Variants in KIAA1217 observed in about 807,000 individuals in gnomAD.
KIAA1217 encodes KIAA1217, also known as sickle tail protein homolog.
KIAA1217 carries 88 observed loss-of-function variants against 163.9 expected under a neutral mutation model. The ratio of observed to expected loss-of-function variants is 0.54; its 90% CI spans 0.45 to 0.64. KIAA1217 has a LOEUF of 0.64. Among genes scored for constraint, KIAA1217 ranks in the 30% least tolerant of loss-of-function variants. The pLI, the probability that KIAA1217 is intolerant of heterozygous loss-of-function variation, is 0.00. For missense variants in KIAA1217, 2,372 were observed against 2,475.0 expected (o/e 0.96, Z 0.88); for synonymous variants, 903 against 923.1 (o/e 0.98, Z 0.39).
chr10:24,027,140 T>C (rs535231150), intron 2 of KIAA1217, among the ~76,000 whole-genome samples: 1 of 152,226 alleles, frequency 6.6e-6, no homozygotes, highest in South Asian at 2.1e-4. Context: ...TTCATAGTTC[T>C]GTGCAGCACC....
intron 6 of KIAA1217, among the ~76,000 whole-genome samples, chr10:24,490,985 T>C (rs1485790339): frequency 2.0e-5 from 3 of 152,178 alleles, no homozygotes; most frequent in Non-Finnish European, 2.9e-5. Context: ...CAGACTCTTA[T>C]CCCAGACCGT....
chr10:24,100,195 T>C (rs1039391683), intron 2 of KIAA1217, among the ~76,000 whole-genome samples: 7 of 152,018 alleles, frequency 4.6e-5, no homozygotes, highest in Non-Finnish European at 1.5e-5. Context: ...GAGGCTGCTA[T>C]TATGTTAGTT....
chr10:24,370,188 C>G (rs1437373932), intron 2 of KIAA1217, among the ~76,000 whole-genome samples: 1 of 149,004 alleles, frequency 6.7e-6, no homozygotes, highest in African/African-American at 2.5e-5. Flanking sequence ...TGGTGTGAAC[C>G]CGGGAGGCGG....
chr10:23,751,834 C>T (rs1206628835), intron 1 of KIAA1217, among the ~76,000 whole-genome samples: 1 of 152,090 alleles, frequency 6.6e-6, no homozygotes, highest in South Asian at 2.1e-4. Context: ...AGCAGTGTAA[C>T]CTGGGAGAGA....
At chr10:23,810,955 A>G (rs539253373) in intron 1 of KIAA1217, among the ~76,000 whole-genome samples, 5 of 116,634 alleles carry the variant, frequency 4.3e-5, no homozygotes, top group Non-Finnish European at 8.1e-5. Flanking sequence ...ATATTATATA[A>G]TATATATAGT....
intron 7 of KIAA1217, 131 bp from the exon 8 acceptor site, chr10:24,495,016 A>G: frequency 1.4e-6 from 1 of 724,230 alleles, no homozygotes; most frequent in Admixed American, 2.9e-5. Flanking sequence ...TGTGATGCTG[A>G]TGCTAAAATA....
intron 3 of KIAA1217, among the ~76,000 whole-genome samples, chr10:24,390,475 GGGAAGGAA>G (rs71397945): frequency 0.013 from 1,410 of 107,050 alleles, 20 homozygotes; most frequent in South Asian, 0.019. Context: ...GAGGGAGGGA[GGGAAGGAA>G]GGAAGGAAGG....
At position 24,182,438 on chromosome 10, in the gene KIAA1217, T is replaced by TCACACA. The variant is rs3222547; in HGVS notation, c.-170-37159_-170-37154dup. Among the ~76,000 whole-genome samples the TCACACA allele has an allele frequency of 4.0e-3, 578 of 144,946 alleles. 6 individuals carry two copies. The highest frequency in any genetic ancestry group is 0.013 in the African/African-American group (499 of 39,396). ...ACCTGGATGACAGAGCAAGACTCCA[T>TCACACA]CACACACACACACACACACACACAC... On this transcript the variant is annotated intron_variant, in intron 2 of 18. Transcript: ENST00000376462.
chr10:24,538,566 GAGGAAGGAAGGAAGGAAGGA>G (rs1220062160), intron 17 of KIAA1217, among the ~76,000 whole-genome samples: 1 of 83,948 alleles, frequency 1.2e-5, no homozygotes. Context: ...GGGAGGGAGG[GAGGAAGGAAGGAAGGAAGGA>G]AGGAAGGAAG....
intron 2 of KIAA1217, among the ~76,000 whole-genome samples, chr10:24,175,711 C>A (rs1358421999): frequency 6.6e-6 from 1 of 152,136 alleles, no homozygotes; most frequent in Non-Finnish European, 1.5e-5. Flanking sequence ...TTTGGAGTTT[C>A]TTCCTTCTGG....
chr10:23,708,773 A>C (rs1837049680), intron 1 of KIAA1217, among the ~76,000 whole-genome samples: 2 of 152,130 alleles, frequency 1.3e-5, no homozygotes, highest in African/African-American at 4.8e-5. Flanking sequence ...GGACTAATGC[A>C]AAAAACATAT....
chr10:24,306,466 G>A (rs571303412), intron 2 of KIAA1217, among the ~76,000 whole-genome samples: 2 of 152,304 alleles, frequency 1.3e-5, no homozygotes, highest in Admixed American at 1.3e-4. Context: ...CAATATCACG[G>A]AACAATGAGA....
At chr10:24,157,835 A>G (rs1015142675) in intron 2 of KIAA1217, 1 of 514,884 alleles carries the variant, frequency 1.9e-6, no homozygotes, top group Non-Finnish European at 3.6e-6. Context: ...TCCTGATGCA[A>G]TGGCAGCCTT....
chr10:24,067,875 T>G (rs1416984420), intron 2 of KIAA1217, among the ~76,000 whole-genome samples: 4 of 152,200 alleles, frequency 2.6e-5, no homozygotes, highest in African/African-American at 9.6e-5. Context: ...ACTGCTGCCT[T>G]ACAGTTTGAT....
chr10:24,197,005 C>T (rs960599353), intron 2 of KIAA1217, among the ~76,000 whole-genome samples: 1 of 152,224 alleles, frequency 6.6e-6, no homozygotes, highest in South Asian at 2.1e-4. Flanking sequence ...AGCATCATTA[C>T]ACTTCACATC....
intron 3 of KIAA1217, among the ~76,000 whole-genome samples, chr10:24,427,708 C>G (rs976823527): frequency 6.6e-6 from 1 of 152,142 alleles, no homozygotes; most frequent in Non-Finnish European, 1.5e-5. Flanking sequence ...GGCAGAGTCC[C>G]CTGGACAACC....
chr10:24,465,394 G>T (rs2062834693), intron 5 of KIAA1217, among the ~76,000 whole-genome samples: 1 of 152,204 alleles, frequency 6.6e-6, no homozygotes, highest in South Asian at 2.1e-4. Context: ...TAGAAAGCCT[G>T]CAAAGGACTG....
At chr10:24,390,400 A>G (rs2054695740) in intron 3 of KIAA1217, among the ~76,000 whole-genome samples, 1 of 151,516 alleles carries the variant, frequency 6.6e-6, no homozygotes. Context: ...AAAAAATACA[A>G]TAAAATAAAA....
At chr10:24,229,190 T>A (rs897092612) in intron 2 of KIAA1217, among the ~76,000 whole-genome samples, 1 of 152,228 alleles carries the variant, frequency 6.6e-6, no homozygotes, top group Non-Finnish European at 1.5e-5. Context: ...AAAGTAAGGC[T>A]AATTGAAATT....
Sources: allele counts gnomAD v4.1 joint callset (sites outside exome capture counted in the v4.1 genomes callset), GRCh38; gene constraint gnomAD v4.1.1; transcripts MANE v1.5; gene names NCBI Gene and HGNC (gene_info 2026-07-23, HGNC 2026-07-21).